SLC24A3: variants seen among roughly 807,000 people sequenced by gnomAD.
SLC24A3 encodes sodium/potassium/calcium exchanger 3.
SLC24A3 carries 28 observed loss-of-function variants against 75.8 expected under a neutral mutation model. The ratio of observed to expected loss-of-function variants is 0.37; its 90% CI spans 0.27 to 0.51. The LOEUF (loss-of-function observed/expected upper bound fraction) is 0.51, where lower values mean the gene tolerates loss of function less well. Ranked by LOEUF, SLC24A3 falls within the 20% of genes least tolerant of loss-of-function variation. SLC24A3 has a pLI of 0.94. For missense variants in SLC24A3, 663 were observed against 847.8 expected, an observed-to-expected ratio of 0.78 and a Z score of 2.71; for synonymous variants, 372 against 334.1, an observed-to-expected ratio of 1.11 and a Z score of -1.24.
intron 6 of SLC24A3, among the ~76,000 whole-genome samples, chr20:19,631,791 AGTGTGTGT>A (rs148278633): frequency 5.4e-5 from 8 of 147,838 alleles, no homozygotes; most frequent in Admixed American, 6.7e-5. Context: ...TATGAGTGAG[AGTGTGTGT>A]GTGTGTGTGT....
At chr20:19,246,704 A>G (rs950965308) in intron 1 of SLC24A3, among the ~76,000 whole-genome samples, 5 of 152,200 alleles carry the variant, frequency 3.3e-5, no homozygotes, top group African/African-American at 1.2e-4. Flanking sequence ...GATTATTTCA[A>G]TAGGTGCAGA....
At chr20:19,680,442 G>A (rs1387623613) in intron 9 of SLC24A3, among the ~76,000 whole-genome samples, 1 of 152,100 alleles carries the variant, frequency 6.6e-6, no homozygotes, top group African/African-American at 2.4e-5. Flanking sequence ...AGTGTTGGCA[G>A]CCGTCAGCAT....
intron 3 of SLC24A3, among the ~76,000 whole-genome samples, chr20:19,546,015 C>T (rs181569700): frequency 1.8e-4 from 28 of 151,748 alleles, no homozygotes; most frequent in Middle Eastern, 3.4e-3. Flanking sequence ...AAAAATTAGC[C>T]GGGCATGGTG....
rs79515727 is a variant in SLC24A3 at position 19,536,074 on chromosome 20, C to T, written c.348+20510C>T. ...GCCACATTGAGGATCAAGTTTCCAA[C>T]GCATGAACTTTGGGGGAAGCACTCA... On this transcript the variant is annotated intron_variant, in intron 3 of 16. Coordinates refer to ENST00000328041, the MANE Select transcript of SLC24A3 (RefSeq NM_020689.4). Among the ~76,000 whole-genome samples, 78 of 152,270 alleles carry T rather than the reference C, an allele frequency of 5.1e-4. No individual in the cohort carries two copies. The East Asian group carries it at 8.5e-3, about 17-fold the overall frequency.
chr20:19,665,790 AGC>A, intron 7 of SLC24A3, 72 bp from the exon 8 acceptor site: 9 of 1,319,854 alleles, frequency 6.8e-6, no homozygotes, highest in Non-Finnish European at 8.9e-6. Flanking sequence ...GCAGCCTTAA[AGC>A]GTGTGTGTGT....
intron 2 of SLC24A3, among the ~76,000 whole-genome samples, chr20:19,378,446 T>G (rs1253828691): frequency 6.6e-6 from 1 of 152,190 alleles, no homozygotes; most frequent in Non-Finnish European, 1.5e-5. Context: ...GCTAACTGAT[T>G]TTGATAAAAG....
chr20:19,372,973 A>G (rs1182654059), intron 2 of SLC24A3, among the ~76,000 whole-genome samples: 1 of 152,210 alleles, frequency 6.6e-6, no homozygotes, highest in Non-Finnish European at 1.5e-5. Flanking sequence ...GATGGGACCA[A>G]AAGTGAAATG....
chr20:19,690,404 G>A (rs940447692), intron 12 of SLC24A3, among the ~76,000 whole-genome samples: 3 of 152,054 alleles, frequency 2.0e-5, no homozygotes, highest in African/African-American at 7.2e-5. Context: ...TCTTGCACTC[G>A]TAAATTCTGA....
rs550436264 is a variant in SLC24A3 at position 19,382,019 on chromosome 20, C to T, written c.271+100932C>T. Among the ~76,000 whole-genome samples, 8 of 152,276 alleles carry T rather than the reference C, an allele frequency of 5.3e-5. No homozygotes were observed. In the South Asian group the frequency reaches 8.3e-4, roughly 16 times the overall value. On this transcript the variant is annotated intron_variant, in intron 2 of 16. Transcript: ENST00000328041. ...GCATTTGAAATGTCTGCTCTGAATTCGACAGATGATGTTCTCTGCCACCGG... is the reference window on the plus strand; with the variant it reads ...GCATTTGAAATGTCTGCTCTGAATTTGACAGATGATGTTCTCTGCCACCGG...
chr20:19,442,107 T>TG (rs1297013781), intron 2 of SLC24A3, among the ~76,000 whole-genome samples: 1 of 152,248 alleles, frequency 6.6e-6, no homozygotes, highest in Non-Finnish European at 1.5e-5. Flanking sequence ...ATTCACCTAC[T>TG]GAAGAACATC....
At chr20:19,460,926 G>A (rs1568624413) in intron 2 of SLC24A3, among the ~76,000 whole-genome samples, 1 of 152,212 alleles carries the variant, frequency 6.6e-6, no homozygotes, top group South Asian at 2.1e-4. Flanking sequence ...CCATGAGTGA[G>A]GGGAAGGGTT....
chr20:19,542,847 A>G (rs2030524750), intron 3 of SLC24A3, among the ~76,000 whole-genome samples: 2 of 152,166 alleles, frequency 1.3e-5, no homozygotes, highest in South Asian at 4.1e-4. Flanking sequence ...ACATTTATCC[A>G]GAATCTCCAG....
At chr20:19,655,855 A>G (rs4813367) in intron 7 of SLC24A3, among the ~76,000 whole-genome samples, 36,382 of 151,664 alleles carry the variant, frequency 0.24, 4,913 homozygotes, top group Non-Finnish European at 0.3. Context: ...GTCGTGAGAC[A>G]TCTCAGCCTC....
At chr20:19,700,997 G>T (rs2032865092) in intron 15 of SLC24A3, among the ~76,000 whole-genome samples, 1 of 152,146 alleles carries the variant, frequency 6.6e-6, no homozygotes, top group Non-Finnish European at 1.5e-5. Flanking sequence ...ATAAAAGATT[G>T]TTTTCCAGAA....
intron 2 of SLC24A3, among the ~76,000 whole-genome samples, chr20:19,308,626 T>C (rs1984383667): frequency 6.6e-6 from 1 of 152,222 alleles, no homozygotes; most frequent in South Asian, 2.1e-4. Context: ...CAAACCTTTA[T>C]TGAGCGATTT....
At chr20:19,289,141 A>T (rs1018901096) in intron 2 of SLC24A3, among the ~76,000 whole-genome samples, 2 of 151,464 alleles carry the variant, frequency 1.3e-5, no homozygotes, top group African/African-American at 4.9e-5. Flanking sequence ...TTTTAATGTC[A>T]CCCCTGGGCT....
Position 19,722,479 on chromosome 20 carries a change from C to T in SLC24A3, c.*1339C>T, listed in dbSNP as rs1313099592. ...TTTTGCCAATCACTGCTCAACAGCCCTGCTAGATTTTGTATGATGCTGAAT... is the reference window on the plus strand; with the variant it reads ...TTTTGCCAATCACTGCTCAACAGCCTTGCTAGATTTTGTATGATGCTGAAT... On this transcript the variant is annotated 3_prime_UTR_variant, in exon 17 of 17. Coordinates refer to ENST00000328041, the MANE Select transcript of SLC24A3 (RefSeq NM_020689.4). The T allele has an allele frequency of 2.0e-5, 3 of 152,670 alleles. No homozygotes were observed. The highest frequency in any genetic ancestry group is 4.8e-5 in the African/African-American group (2 of 41,460). The allele number at this position is 152,670 out of a possible 1,614,324, so 9.5% of individuals were successfully genotyped here.
chr20:19,399,108 A>G (rs1986507108), intron 2 of SLC24A3, among the ~76,000 whole-genome samples: 1 of 152,130 alleles, frequency 6.6e-6, no homozygotes, highest in Non-Finnish European at 1.5e-5. Flanking sequence ...TCCATTACAT[A>G]TATATAGAAT....
intron 6 of SLC24A3, among the ~76,000 whole-genome samples, chr20:19,645,959 A>T (rs930562160): frequency 6.6e-6 from 1 of 152,114 alleles, no homozygotes; most frequent in African/African-American, 2.4e-5. Flanking sequence ...GGAGACTGAG[A>T]TGGGAGGATC....
Sources: gnomAD v4.1 joint callset for allele counts (sites outside exome capture counted in the v4.1 genomes callset) on GRCh38, gnomAD v4.1.1 for gene constraint, MANE v1.5 for transcripts, NCBI Gene and HGNC (gene_info 2026-07-23, HGNC 2026-07-21) for gene names.